The following BIRC5 variants were observed in gnomAD, a reference collection of about 807,000 sequenced individuals.
BIRC5 encodes the protein baculoviral IAP repeat containing 5.
Under a neutral mutation model 15.8 loss-of-function variants are expected in BIRC5, and 8 were observed. The observed-to-expected ratio is 0.51, with a 90% CI of 0.30 to 0.91. The LOEUF is 0.91. BIRC5 is among the 40% of genes least tolerant of loss of function. BIRC5 has a pLI of 0.07. For missense variants in BIRC5, 163 were observed against 178.6 expected (o/e 0.91, Z 0.50); for synonymous variants, 56 against 64.5 (o/e 0.87, Z 0.63).
In BIRC5 at chr17:78,223,522, C is replaced by A; in HGVS notation, c.397C>A (p.Arg133Ser). The change falls in exon 4 of 4, where the codon CGT becomes AGT. Residue 133 changes from arginine (R) to serine (S), a missense_variant. Arg to Ser is a moderately radical substitution (Grantham distance 110, BLOSUM62 -1). Transcript: ENST00000350051. Reference sequence around the variant, plus strand: ...TGAGGAAACTGCGGAGAAAGTGCGCCGTGCCATCGAGCAGCTGGCTGCCAT... The same window carrying A: ...TGAGGAAACTGCGGAGAAAGTGCGCAGTGCCATCGAGCAGCTGGCTGCCAT... ...EFEETAEKVR[R>S]AIEQLAAMD 1 of 1,612,540 alleles carries A rather than the reference C, an allele frequency of 6.2e-7. No individual in the cohort carries two copies. Among genetic ancestry groups the A allele is most frequent in the African/African-American group, 1.3e-5 (1 of 74,978 alleles).
At position 78,223,821 on chromosome 17, in the gene BIRC5, T is replaced by G; in HGVS notation, c.*267T>G. 1.5e-6 allele frequency: 1 copy of G among 659,810 alleles called. No homozygotes were observed. Among genetic ancestry groups the G allele is most frequent in the Non-Finnish European group, 2.4e-6 (1 of 419,828 alleles). The allele number at this position is 659,810 out of a possible 1,614,324, so 40.9% of individuals were successfully genotyped here. A position where few individuals can be genotyped will look rare whatever the true frequency, so the allele number is the denominator to read the frequency against. On this transcript the variant is annotated 3_prime_UTR_variant, in exon 4 of 4. Coordinates refer to ENST00000350051, the MANE Select transcript of BIRC5 (RefSeq NM_001168.3). ...TGGGGGCTCATTTTTGCTGTTTTGA[T>G]TCCCGGGCTTACCAGGTGAGAAGTG...
intron 3 of BIRC5, among the ~76,000 whole-genome samples, chr17:78,217,748 C>T (rs1351894257): frequency 4.0e-5 from 6 of 151,710 alleles, no homozygotes; most frequent in Admixed American, 2.0e-4. Flanking sequence ...CTGCCTGCCT[C>T]GGCCTCCCAA....
intron 3 of BIRC5, chr17:78,222,843 G>A: frequency 6.5e-7 from 1 of 1,536,018 alleles, no homozygotes; most frequent in Non-Finnish European, 8.7e-7. Flanking sequence ...AGCTCTGTTA[G>A]CAGAATGAAA....
At position 78,214,718 on chromosome 17, in the gene BIRC5, C is replaced by T. The variant is rs1298244184; in HGVS notation, c.150C>T (p.Asn50=). ...GCTTCATCCACTGCCCCACTGAGAA[C>T]GAGCCAGACTTGGCCCAGTGTTTCT... ...EAGFIHCPTE[N]EPDLAQCFFC... is the part of the protein sequence containing the mutation. Residue 50 remains asparagine, a synonymous_variant, in exon 2 of 4, where the codon AAC becomes AAT. Coordinates refer to ENST00000350051, the MANE Select transcript of BIRC5 (RefSeq NM_001168.3). 6.2e-7 allele frequency: 1 copy of T among 1,611,348 alleles called. No homozygotes were observed. The highest frequency in any genetic ancestry group is 1.3e-5 in the African/African-American group (1 of 74,852).
chr17:78,221,652 G>C (rs2145899980), intron 3 of BIRC5, among the ~76,000 whole-genome samples: 1 of 152,292 alleles, frequency 6.6e-6, no homozygotes, highest in African/African-American at 2.4e-5. Context: ...TCTTTCAATA[G>C]CAAGAGTTGT....
chr17:78,218,803 C>T (rs1463152911), intron 3 of BIRC5, among the ~76,000 whole-genome samples: 1 of 152,056 alleles, frequency 6.6e-6, no homozygotes, highest in Non-Finnish European at 1.5e-5. Context: ...GACAAGGTTT[C>T]ATCATGTTGG....
chr17:78,222,566 G>A (rs2076522399), intron 3 of BIRC5, among the ~76,000 whole-genome samples: 1 of 152,186 alleles, frequency 6.6e-6, no homozygotes, highest in Admixed American at 6.5e-5. Context: ...TCGGGAGGCT[G>A]AGGCAGGAGA....
chr17:78,218,186 C>T (rs1037717568), intron 3 of BIRC5, among the ~76,000 whole-genome samples: 4 of 151,786 alleles, frequency 2.6e-5, no homozygotes, highest in African/African-American at 9.7e-5. Context: ...TAAGTATATA[C>T]CGGTATAAGT....
chr17:78,222,943 G>A, intron 3 of BIRC5: 1 of 1,529,092 alleles, frequency 6.5e-7, no homozygotes, highest in Non-Finnish European at 8.7e-7. Context: ...TGTTTAACTG[G>A]ACATGAAGAG....
chr17:78,217,324 T>C (rs373237937), intron 3 of BIRC5, among the ~76,000 whole-genome samples: 16 of 151,530 alleles, frequency 1.1e-4, no homozygotes, highest in Non-Finnish European at 2.1e-4. Flanking sequence ...TACAGGCATG[T>C]GCCACCACAC....
At chr17:78,218,784 T>C (rs2076497660) in intron 3 of BIRC5, among the ~76,000 whole-genome samples, 1 of 151,936 alleles carries the variant, frequency 6.6e-6, no homozygotes, top group Non-Finnish European at 1.5e-5. Context: ...TTTTGGTATT[T>C]TTATTAGAGA....
chr17:78,224,045 TTTG>T lies in BIRC5; in HGVS notation c.*499_*501del, dbSNP rs146639575. The T allele has an allele frequency of 0.36, 54,381 of 152,254 alleles. 10,165 individuals are homozygous for T. The highest frequency in any genetic ancestry group is 0.42 in the South Asian group (1,980 of 4,694). The allele number at this position is 152,254 out of a possible 1,614,324, so 9.4% of individuals were successfully genotyped here. A position where few individuals can be genotyped will look rare whatever the true frequency, so the allele number is the denominator to read the frequency against. ...CTGTGCCTCCTCAGAGGACAGTTTT[TTTG>T]TTGTTGTGTTTTTTTGTTTTTTTTT... On this transcript the variant is annotated 3_prime_UTR_variant, in exon 4 of 4. Coordinates refer to ENST00000350051, the MANE Select transcript of BIRC5 (RefSeq NM_001168.3).
At chr17:78,222,940 C>T (rs2145901178) in intron 3 of BIRC5, 1 of 1,530,828 alleles carries the variant, frequency 6.5e-7, no homozygotes, top group African/African-American at 1.4e-5. Flanking sequence ...GTCTGTTTAA[C>T]TGGACATGAA....
At chr17:78,216,940 T>C (rs1433472906) in intron 3 of BIRC5, among the ~76,000 whole-genome samples, 159 bp downstream of exon 3, 1 of 151,110 alleles carries the variant, frequency 6.6e-6, no homozygotes, top group Non-Finnish European at 1.5e-5. Context: ...AGTGCAATGG[T>C]GCAATCTTGG....
At chr17:78,222,882 T>C (rs984745821) in intron 3 of BIRC5, 95 of 1,535,952 alleles carry the variant, frequency 6.2e-5, no homozygotes, top group Non-Finnish European at 8.1e-5. Context: ...AGGGAGGGAC[T>C]GGAAGCAAAA....
In BIRC5 at chr17:78,214,447, T is replaced by C; in HGVS notation, c.111+20T>C. The C allele has an allele frequency of 6.6e-7, 1 of 1,526,284 alleles. No homozygotes were observed. Among genetic ancestry groups the C allele is most frequent in the Non-Finnish European group, 8.8e-7 (1 of 1,134,886 alleles). The allele number at this position is 1,526,284 out of a possible 1,614,324, so 94.5% of individuals were successfully genotyped here. ...GAGCGGGTGAGACTGCCCGGCCTCC[T>C]GGGGTCCCCCACGCCCGCCTTGCCC... is the stretch of plus-strand genomic sequence containing the variant. On this transcript the variant is annotated intron_variant, in intron 1 of 3. Coordinates refer to ENST00000350051, the MANE Select transcript of BIRC5 (RefSeq NM_001168.3).
At position 78,223,505 on chromosome 17, in the gene BIRC5, C is replaced by G; in HGVS notation, c.380C>G (p.Thr127Ser). The G allele has an allele frequency of 6.2e-7, 1 of 1,609,136 alleles. No homozygotes were observed. Among genetic ancestry groups the G allele is most frequent in the African/African-American group, 1.3e-5 (1 of 74,788 alleles). The change falls in exon 4 of 4, where the codon ACT becomes AGT. Residue 127 changes from threonine (T) to serine (S), a missense_variant. Transcript: ENST00000350051. The part of the protein sequence containing the change: ...TNNKKKEFEE[T>S]AEKVRRAIEQ... ...AATAAGAAGAAAGAATTTGAGGAAA[C>G]TGCGGAGAAAGTGCGCCGTGCCATC...
rs1424828595 is a variant in BIRC5 at position 78,224,651 on chromosome 17, G to A, written c.*1097G>A. The A allele has an allele frequency of 1.3e-5, 2 of 152,246 alleles. No homozygotes were observed. Among genetic ancestry groups the A allele is most frequent in the Non-Finnish European group, 2.9e-5 (2 of 68,056 alleles). The allele number at this position is 152,246 out of a possible 1,614,324, so 9.4% of individuals were successfully genotyped here. On this transcript the variant is annotated 3_prime_UTR_variant, in exon 4 of 4. Coordinates refer to ENST00000350051, the MANE Select transcript of BIRC5 (RefSeq NM_001168.3). ...TGTTACAGCTTCGCTGGAAACCTCT[G>A]GAGGTCATCTCGGCTGTTCCTGAGA...
intron 3 of BIRC5, among the ~76,000 whole-genome samples, chr17:78,219,431 C>G (rs1003885313): frequency 6.6e-6 from 1 of 152,128 alleles, no homozygotes. Context: ...GTGATCTGCC[C>G]GCCTTGGCAT....
Sources: allele counts gnomAD v4.1 joint callset (sites outside exome capture counted in the v4.1 genomes callset), GRCh38; gene constraint gnomAD v4.1.1; transcripts MANE v1.5; gene names NCBI Gene and HGNC (gene_info 2026-07-23, HGNC 2026-07-21).